SCAI: variants seen among roughly 807,000 people sequenced by gnomAD.
SCAI encodes protein SCAI.
In SCAI, 24 loss-of-function variants were observed where a neutral mutation model predicts 92.2. That is an observed-to-expected ratio of 0.26 (90% CI 0.19 to 0.37). The LOEUF (loss-of-function observed/expected upper bound fraction) is 0.37, where lower values mean the gene tolerates loss of function less well. Among genes scored for constraint, SCAI ranks in the 10% least tolerant of loss-of-function variants. The pLI, the probability that SCAI is intolerant of heterozygous loss-of-function variation, is 1.00. For synonymous variants in SCAI, 261 were observed against 258.6 expected (o/e 1.01, Z -0.09); for missense variants, 450 against 736.2 (o/e 0.61, Z 4.50).
chr9:125,069,111 G>C (rs931308977), intron 2 of SCAI, among the ~76,000 whole-genome samples: 1 of 151,688 alleles, frequency 6.6e-6, no homozygotes, highest in Non-Finnish European at 1.5e-5. Flanking sequence ...CTAGCTACTC[G>C]GGAGGCTGAG....
intron 2 of SCAI, among the ~76,000 whole-genome samples, chr9:125,094,745 G>A (rs909598220): frequency 9.9e-5 from 15 of 151,986 alleles, no homozygotes; most frequent in South Asian, 2.1e-4. Flanking sequence ...CAGTTGATCC[G>A]CCTGTCTCAG....
At chr9:125,099,597 A>T (rs1424296) in intron 2 of SCAI, among the ~76,000 whole-genome samples, 1 of 152,220 alleles carries the variant, frequency 6.6e-6, no homozygotes, top group African/African-American at 2.4e-5. Flanking sequence ...AACAAATACA[A>T]ACCTTATGTT....
chr9:125,008,130 C>A (rs907761744), intron 9 of SCAI, among the ~76,000 whole-genome samples: 2 of 151,170 alleles, frequency 1.3e-5, no homozygotes, highest in African/African-American at 4.9e-5. Flanking sequence ...CAGGCGTGAG[C>A]CACCGTGCCC....
chr9:125,143,238 A>G, intron 1 of SCAI, 147 bp downstream of exon 1: 1 of 411,496 alleles, frequency 2.4e-6, no homozygotes, highest in East Asian at 4.4e-5. Context: ...CGCCGCCTGC[A>G]GGCGCCCCCA....
In SCAI at chr9:125,091,296, A is replaced by T. The variant is rs1271912022; in HGVS notation, c.99-35289T>A. On this transcript the variant is annotated intron_variant, in intron 2 of 17. Coordinates refer to ENST00000336505, the MANE Select transcript of SCAI (RefSeq NM_001144877.3). The surrounding 1 kb of genome is among the most constrained non-coding windows in gnomAD (Gnocchi z 4.3). ...CTGAACCAGATTCTCCAGTCTTTCC[A>T]TCCATGCTGTGAGGTACTTGACAAC... 2.0e-5 allele frequency among the ~76,000 whole-genome samples: 3 copies of T among 152,190 alleles called. No homozygotes were observed. Among genetic ancestry groups the T allele is most frequent in the African/African-American group, 7.2e-5 (3 of 41,440 alleles).
At chr9:125,107,721 T>C (rs1156928305) in intron 2 of SCAI, among the ~76,000 whole-genome samples, 5 of 152,178 alleles carry the variant, frequency 3.3e-5, no homozygotes, top group East Asian at 1.9e-4. Flanking sequence ...TGAGTTATGA[T>C]TGTGCCACTG....
rs541045176 is a variant in SCAI at position 125,142,732 on chromosome 9, C to G, written c.54-55G>C. On this transcript the variant is annotated intron_variant, in intron 1 of 17. Coordinates refer to ENST00000336505, the MANE Select transcript of SCAI (RefSeq NM_001144877.3). ...AAAAGTAACATACAAGAAAACATCT[C>G]CCGGCGCTACCGTGCCAGTCAAGAA... 6.1e-6 allele frequency: 9 copies of G among 1,481,602 alleles called. No individual in the cohort carries two copies. The South Asian group carries it at 6.8e-5, about 11-fold the overall frequency. 91.8% of individuals were successfully genotyped at this position (1,481,602 alleles called of 1,614,324 possible). A position where few individuals can be genotyped will look rare whatever the true frequency, so the allele number is the denominator to read the frequency against.
chr9:125,032,188 TA>T (rs1279333747), intron 3 of SCAI, among the ~76,000 whole-genome samples: 94 of 112,110 alleles, frequency 8.4e-4, no homozygotes, highest in South Asian at 2.5e-3. Context: ...TATATATATA[TA>T]TATATATTTT....
intron 2 of SCAI, among the ~76,000 whole-genome samples, chr9:125,104,639 C>T (rs555788499): frequency 2.7e-5 from 4 of 149,564 alleles, no homozygotes; most frequent in South Asian, 2.1e-4. Flanking sequence ...TGCAGTGGCT[C>T]AGGCCTGTAA....
chr9:124,975,524 T>A, intron 15 of SCAI: 2 of 261,694 alleles, frequency 7.6e-6, no homozygotes, highest in Non-Finnish European at 7.9e-6. Context: ...AGACAAATTA[T>A]TAAGGACAAA....
chr9:124,961,760 G>A (rs138262680), intron 17 of SCAI, among the ~76,000 whole-genome samples: 19 of 151,990 alleles, frequency 1.3e-4, no homozygotes, highest in African/African-American at 3.9e-4. Context: ...GGTTAGGGAT[G>A]CTGAGCCCCC....
intron 17 of SCAI, among the ~76,000 whole-genome samples, chr9:124,961,854 T>G (rs1425413581): frequency 6.6e-6 from 1 of 150,598 alleles, no homozygotes; most frequent in African/African-American, 2.4e-5. Context: ...GAAATTTAAC[T>G]AATAAATGTC....
chr9:125,044,273 G>A (rs1237615784), intron 3 of SCAI, among the ~76,000 whole-genome samples: 1 of 152,038 alleles, frequency 6.6e-6, no homozygotes, highest in Non-Finnish European at 1.5e-5. Context: ...CTTTTTCCAG[G>A]CCCATCCGTG....
At position 125,107,977 on chromosome 9, in the gene SCAI, G is replaced by A. The variant is rs182595475; in HGVS notation, c.98+34656C>T. On this transcript the variant is annotated intron_variant, in intron 2 of 17. Coordinates refer to ENST00000336505, the MANE Select transcript of SCAI (RefSeq NM_001144877.3). ...CTGCCGAACCCCTGCGATTGCAGGC[G>A]CGCGCCGCCATGCCTGACTGGTTTT... 2.8e-3 allele frequency among the ~76,000 whole-genome samples: 422 copies of A among 149,002 alleles called. 3 individuals carry two copies. The highest frequency in any genetic ancestry group is 0.025 in the Middle Eastern group (7 of 284).
At chr9:125,024,466 G>A (rs1333415830) in intron 6 of SCAI, among the ~76,000 whole-genome samples, 3 of 151,934 alleles carry the variant, frequency 2.0e-5, no homozygotes, top group East Asian at 1.9e-4. Context: ...TAGTAGAGAC[G>A]GGGTTTCACC....
At position 125,002,488 on chromosome 9, in the gene SCAI, G is replaced by GTTTTTTTTTTTTTTTTTTTTTT. The variant is rs58586769; in HGVS notation, c.1066-446_1066-445insAAAAAAAAAAAAAAAAAAAAAA. Among the ~76,000 whole-genome samples, 8 of 125,102 alleles carry GTTTTTTTTTTTTTTTTTTTTTT rather than the reference G, an allele frequency of 6.4e-5. 1 individual carries two copies. The highest frequency in any genetic ancestry group is 1.3e-4 in the African/African-American group (4 of 31,672). The allele number at this position is 125,102 out of a possible 152,430, so 82.1% of individuals were successfully genotyped here. A position where few individuals can be genotyped will look rare whatever the true frequency, so the allele number is the denominator to read the frequency against. On this transcript the variant is annotated intron_variant, in intron 11 of 17. Transcript: ENST00000336505. ...ACACTCTGCTTTTGTTTTTTAGTCT[G>GTTTTTTTTTTTTTTTTTTTTTT]TTTTTTTTTTTGAAACAGAGTTTCA...
At chr9:125,113,789 C>T (rs1834980272) in intron 2 of SCAI, among the ~76,000 whole-genome samples, 1 of 151,392 alleles carries the variant, frequency 6.6e-6, no homozygotes, top group Admixed American at 6.6e-5. Flanking sequence ...ATGGAGAAAC[C>T]CCGTCTCTAC....
intron 9 of SCAI, among the ~76,000 whole-genome samples, chr9:125,004,748 TATATATATATATATATATATATA>T (rs1832441673): frequency 2.1e-4 from 3 of 14,012 alleles, no homozygotes; most frequent in Non-Finnish European, 3.8e-4. Flanking sequence ...TATATATATA[TATATATATATATATATATATATA>T]TATATATATT....
intron 9 of SCAI, among the ~76,000 whole-genome samples, chr9:125,004,744 T>TAA (rs1832440433): frequency 6.7e-5 from 1 of 14,820 alleles, no homozygotes; most frequent in Non-Finnish European, 1.2e-4. Flanking sequence ...CATATATATA[T>TAA]ATATATATAT....
Sources: allele counts gnomAD v4.1 joint callset (sites outside exome capture counted in the v4.1 genomes callset), GRCh38; gene constraint gnomAD v4.1.1; non-coding constraint Gnocchi (gnomAD v3.1); transcripts MANE v1.5; gene names NCBI Gene and HGNC (gene_info 2026-07-23, HGNC 2026-07-21).